The following ACBD6 variants were observed in gnomAD, a reference collection of about 807,000 sequenced individuals.
ACBD6 encodes acyl-CoA-binding domain-containing protein 6.
In ACBD6, 28 loss-of-function variants were observed where a neutral mutation model predicts 37.2. The ratio of observed to expected loss-of-function variants is 0.75; its 90% confidence interval spans 0.56 to 1.03. The LOEUF (loss-of-function observed/expected upper bound fraction) is 1.03. ACBD6 is among the 50% of genes least tolerant of loss of function. ACBD6 has a pLI of 0.00. For synonymous variants in ACBD6, 113 were observed against 126.8 expected (o/e 0.89, Z 0.73); for missense variants, 340 against 337.4 (o/e 1.01, Z -0.06).
chr1:180,428,254 A>G (rs908650584), intron 4 of ACBD6, among the ~76,000 whole-genome samples: 3 of 152,252 alleles, frequency 2.0e-5, no homozygotes, highest in African/African-American at 7.2e-5. Context: ...TTCATATTTC[A>G]TTCAATTAAT....
intron 6 of ACBD6, among the ~76,000 whole-genome samples, chr1:180,368,063 G>T (rs778380457): frequency 8.5e-5 from 13 of 152,106 alleles, no homozygotes; most frequent in Non-Finnish European, 1.6e-4. Flanking sequence ...GTTATTTTTT[G>T]ACTTTTTAAT....
At chr1:180,450,140 G>A (rs1649647294) in intron 3 of ACBD6, among the ~76,000 whole-genome samples, 1 of 152,064 alleles carries the variant, frequency 6.6e-6, no homozygotes, top group African/African-American at 2.4e-5. Flanking sequence ...AAAAAGACAG[G>A]ATTTTAGTTT....
At chr1:180,281,666 T>G (rs182331048) in intron 8 of ACBD6, among the ~76,000 whole-genome samples, 188 of 152,298 alleles carry the variant, frequency 1.2e-3, no homozygotes, top group African/African-American at 3.9e-3. Context: ...CAGGGAGCAC[T>G]GATCAAGCTC....
intron 3 of ACBD6, among the ~76,000 whole-genome samples, chr1:180,486,315 T>C (rs561350208): frequency 2.2e-4 from 33 of 152,188 alleles, no homozygotes; most frequent in Non-Finnish European, 4.3e-4. Flanking sequence ...AAAAAATCAA[T>C]GTGAGGGACA....
chr1:180,358,982 T>C (rs1214523708), intron 6 of ACBD6, among the ~76,000 whole-genome samples: 1 of 152,146 alleles, frequency 6.6e-6, no homozygotes, highest in Admixed American at 6.6e-5. Flanking sequence ...AAAATTATCA[T>C]TTGACTTGAT....
intron 5 of ACBD6, among the ~76,000 whole-genome samples, chr1:180,406,641 G>T (rs1360364733): frequency 6.6e-6 from 1 of 152,082 alleles, no homozygotes; most frequent in Admixed American, 6.6e-5. Context: ...ATTTCAATGT[G>T]TGGGAATACA....
At chr1:180,314,064 G>A (rs1039367650) in intron 7 of ACBD6, among the ~76,000 whole-genome samples, 1 of 152,048 alleles carries the variant, frequency 6.6e-6, no homozygotes, top group Non-Finnish European at 1.5e-5. Context: ...TTGTAGGAGA[G>A]ATGCTAGATT....
At chr1:180,309,365 C>T (rs186904470) in intron 7 of ACBD6, among the ~76,000 whole-genome samples, 1 of 152,312 alleles carries the variant, frequency 6.6e-6, no homozygotes, top group Admixed American at 6.5e-5. Context: ...TAAATGGACA[C>T]ATTCCTACAT....
chr1:180,476,340 A>T (rs916264569), intron 3 of ACBD6, among the ~76,000 whole-genome samples: 12 of 152,182 alleles, frequency 7.9e-5, no homozygotes, highest in African/African-American at 2.7e-4. Context: ...GATGTAAATA[A>T]CTCCCACAAG....
chr1:180,448,531 C>G (rs559341905), intron 3 of ACBD6, among the ~76,000 whole-genome samples: 37 of 152,120 alleles, frequency 2.4e-4, no homozygotes, highest in Admixed American at 1.6e-3. Flanking sequence ...CCTTGTTGTC[C>G]TACTTGATTT....
rs139479246 is a variant in ACBD6, at chr1:180,274,252, C to A, written c.*937-140G>T. On this transcript the variant is annotated intron_variant, in intron 10 of 13. Coordinates refer to the ACBD6 transcript ENST00000642319. ...ATGGCAACGTGGGGGACGTTACAGG[C>A]GGACAGTTAATGAATGGGAGCTTCT... The A allele has an allele frequency of 1.0e-4, 163 of 1,614,042 alleles. No individual in the cohort carries two copies. Among genetic ancestry groups the A allele is most frequent in the Non-Finnish European group, 1.7e-5 (20 of 1,180,014 alleles).
intron 3 of ACBD6, among the ~76,000 whole-genome samples, chr1:180,482,133 AT>A (rs1444979461): frequency 6.6e-6 from 1 of 152,166 alleles, no homozygotes; most frequent in South Asian, 2.1e-4. Flanking sequence ...CTGTTTAGTT[AT>A]TTTTTTAAAT....
In ACBD6 at chr1:180,332,130, A is replaced by C. The variant is rs958763123; in HGVS notation, c.664-17408T>G. The stretch of plus-strand genomic sequence containing the variant: ...GAAGAGGCAAAGGATTCTCCCCTAC[A>C]GGTTTCAGAGGGAGAATGGCCCTGC... On this transcript the variant is annotated intron_variant, in intron 6 of 7. Transcript: ENST00000367595. 2.6e-5 allele frequency among the ~76,000 whole-genome samples: 4 copies of C among 152,196 alleles called. No homozygotes were observed. The East Asian group carries it at 5.8e-4, about 22-fold the overall frequency.
At chr1:180,470,671 G>A (rs969235783) in intron 3 of ACBD6, among the ~76,000 whole-genome samples, 16 of 152,116 alleles carry the variant, frequency 1.1e-4, no homozygotes, top group Admixed American at 3.9e-4. Flanking sequence ...AGTTGACAAG[G>A]AACTCTAGAA....
intron 6 of ACBD6, among the ~76,000 whole-genome samples, chr1:180,341,142 A>G (rs1290599564): frequency 6.6e-6 from 1 of 152,164 alleles, no homozygotes; most frequent in African/African-American, 2.4e-5. Context: ...CCAGGGACAA[A>G]GCAATAAACA....
chr1:180,415,093 C>A (rs1392175911), intron 4 of ACBD6, among the ~76,000 whole-genome samples: 3 of 147,324 alleles, frequency 2.0e-5, no homozygotes, highest in East Asian at 4.0e-4. Context: ...ATAAAAAAAA[C>A]AAAAACAAAA....
chr1:180,485,529 A>G (rs894519636), intron 3 of ACBD6, among the ~76,000 whole-genome samples: 1 of 152,198 alleles, frequency 6.6e-6, no homozygotes, highest in Non-Finnish European at 1.5e-5. Flanking sequence ...CTAAGAATGG[A>G]GCTGGGCTGC....
At chr1:180,364,645 TAG>T (rs1301026728) in intron 6 of ACBD6, among the ~76,000 whole-genome samples, 4 of 152,238 alleles carry the variant, frequency 2.6e-5, no homozygotes, top group African/African-American at 9.6e-5. Context: ...TCAGACAGGC[TAG>T]CTGGCTTAAC....
At chr1:180,478,491 C>CTTT (rs761173473) in intron 3 of ACBD6, among the ~76,000 whole-genome samples, 4 of 145,086 alleles carry the variant, frequency 2.8e-5, no homozygotes, top group Non-Finnish European at 3.0e-5. Flanking sequence ...ATAAATCTCT[C>CTTT]TTTTTTTTTT....
Sources: allele counts gnomAD v4.1 joint callset (sites outside exome capture counted in the v4.1 genomes callset), GRCh38; gene constraint gnomAD v4.1.1; transcripts MANE v1.5; gene names NCBI Gene and HGNC (gene_info 2026-07-23, HGNC 2026-07-21).